Variants in TIAM1 observed in about 807,000 individuals in gnomAD.
The protein encoded by TIAM1 is TIAM Rac1 associated GEF 1.
A neutral mutation model predicts 163.5 loss-of-function variants in TIAM1; 65 were observed. The observed-to-expected ratio is 0.40, with a 90% CI of 0.33 to 0.49. The LOEUF is 0.49. TIAM1 is among the 20% of genes least tolerant of loss of function. The pLI is 0.77. For synonymous variants in TIAM1, 833 were observed against 810.1 expected (o/e 1.03, Z -0.48); for missense variants, 1,789 against 2,044.7 (o/e 0.87, Z 2.41).
chr21:31,136,701 C>T (rs913009195), intron 22 of TIAM1, among the ~76,000 whole-genome samples: 1 of 152,170 alleles, frequency 6.6e-6, no homozygotes, highest in African/African-American at 2.4e-5. Context: ...TCTGTCAAAA[C>T]TGATCTACAA....
intron 2 of TIAM1, among the ~76,000 whole-genome samples, chr21:31,324,358 A>G (rs961178591): frequency 1.3e-5 from 2 of 152,168 alleles, no homozygotes; most frequent in African/African-American, 2.4e-5. Context: ...GTCTCAAAAA[A>G]AAAATTTTAT....
At chr21:31,223,718 T>C in intron 7 of TIAM1, 127 bp from the exon 8 acceptor site, 1 of 935,408 alleles carries the variant, frequency 1.1e-6, no homozygotes, top group South Asian at 3.0e-5. Flanking sequence ...AAACAACAGG[T>C]ACCTAAGTTT....
chr21:31,251,691 G>C (rs749882222), intron 5 of TIAM1, 51 bp downstream of exon 5: 1 of 1,501,300 alleles, frequency 6.7e-7, no homozygotes, highest in Non-Finnish European at 9.0e-7. Context: ...TGCACAACGG[G>C]GCACCTCTAT....
chr21:31,356,331 C>G (rs758399960), intron 2 of TIAM1, among the ~76,000 whole-genome samples: 2 of 152,110 alleles, frequency 1.3e-5, no homozygotes, highest in African/African-American at 2.4e-5. Context: ...GTAAAGATAC[C>G]AATTGCCCGT....
chr21:31,527,841 A>C (rs1409311485), intron 1 of TIAM1, among the ~76,000 whole-genome samples: 1 of 152,152 alleles, frequency 6.6e-6, no homozygotes, highest in African/African-American at 2.4e-5. Context: ...AATGTTGATC[A>C]CATTGAGTCC....
chr21:31,233,302 T>C (rs746183854), intron 6 of TIAM1, among the ~76,000 whole-genome samples: 7 of 152,238 alleles, frequency 4.6e-5, no homozygotes, highest in African/African-American at 1.4e-4. Flanking sequence ...AGAGGCTAGA[T>C]AGGAATAAAG....
At position 31,238,762 on chromosome 21, in the gene TIAM1, G is replaced by C. The variant is rs140769821; in HGVS notation, c.1584+6726C>G. Among the ~76,000 whole-genome samples, 6 of 152,272 alleles carry C rather than the reference G, an allele frequency of 3.9e-5. No individual in the cohort carries two copies. In the East Asian group the frequency reaches 1.2e-3, roughly 29 times the overall value. ...ACTGTAGCCACTGACTCTTGCCCAC[G>C]TTCTTCTTAGGGTCAACAGTAATAG... On this transcript the variant is annotated intron_variant, in intron 6 of 27. Coordinates refer to ENST00000541036, the MANE Select transcript of TIAM1 (RefSeq NM_001353694.2).
At chr21:31,223,368 G>T in intron 8 of TIAM1, 38 bp downstream of exon 8, 1 of 1,574,830 alleles carries the variant, frequency 6.3e-7, no homozygotes. Flanking sequence ...TAAGCGTCAA[G>T]CTTAATGTTT....
At position 31,225,946 on chromosome 21, in the gene TIAM1, G is replaced by C; in HGVS notation, c.1589C>G (p.Thr530Ser). 6.2e-7 allele frequency: 1 copy of C among 1,614,096 alleles called. No individual in the cohort carries two copies. Among genetic ancestry groups the C allele is most frequent in the East Asian group, 2.2e-5 (1 of 44,868 alleles). The change falls in exon 7 of 28, where the codon ACT becomes AGT. Residue 530 changes from threonine (T) to serine (S), a missense_variant. By Grantham distance (58) the Thr-to-Ser change is moderately conservative. This residue lies in a region of TIAM1 where 456 missense variants were observed against 586.6 expected (regional missense o/e 0.78). Transcript: ENST00000541036. Reference sequence around the variant, plus strand: ...CCAGTTTTCAAGCTCCGTCTGGCTAGTGGTCTGTACCAGGAAGAAGGGGCA... The same window carrying C: ...CCAGTTTTCAAGCTCCGTCTGGCTACTGGTCTGTACCAGGAAGAAGGGGCA... ...SLGDAFLFQTTSQTELENWIT... is the reference protein window; with the variant it reads ...SLGDAFLFQTSSQTELENWIT...
intron 12 of TIAM1, among the ~76,000 whole-genome samples, chr21:31,200,537 T>C (rs1341372423): frequency 6.6e-6 from 1 of 152,232 alleles, no homozygotes; most frequent in East Asian, 1.9e-4. Flanking sequence ...ATGCTCATCG[T>C]TACCTCAGAA....
intron 1 of TIAM1, among the ~76,000 whole-genome samples, chr21:31,493,274 CTAAT>C (rs1266039872): frequency 6.6e-6 from 1 of 152,114 alleles, no homozygotes; most frequent in Non-Finnish European, 1.5e-5. Flanking sequence ...AATGCATAAT[CTAAT>C]TAGGAGCAGG....
chr21:31,377,700 G>A (rs113801705), intron 2 of TIAM1, among the ~76,000 whole-genome samples: 72 of 152,092 alleles, frequency 4.7e-4, no homozygotes, highest in African/African-American at 1.4e-3. Flanking sequence ...TGCCATCCTA[G>A]GCTACTAAGG....
intron 2 of TIAM1, among the ~76,000 whole-genome samples, chr21:31,440,372 T>A (rs1431761422): frequency 6.6e-6 from 1 of 152,174 alleles, no homozygotes; most frequent in Non-Finnish European, 1.5e-5. Context: ...TTAGTGGAAT[T>A]AAGAAAATCT....
intron 2 of TIAM1, among the ~76,000 whole-genome samples, chr21:31,279,126 T>C (rs547295908): frequency 6.6e-6 from 1 of 151,698 alleles, no homozygotes; most frequent in Non-Finnish European, 1.5e-5. Flanking sequence ...CAAAAAAATA[T>C]ATAAATAAAT....
chr21:31,549,053 T>TC (rs1199869887), intron 1 of TIAM1, among the ~76,000 whole-genome samples: 3 of 152,238 alleles, frequency 2.0e-5, no homozygotes, highest in African/African-American at 7.2e-5. Context: ...CAAAGGTAGT[T>TC]CACTTCCAAA....
At chr21:31,172,307 T>G (rs889803977) in intron 15 of TIAM1, among the ~76,000 whole-genome samples, 7 of 150,654 alleles carry the variant, frequency 4.6e-5, no homozygotes, top group African/African-American at 1.7e-4. Context: ...GTTTGTTTGT[T>G]TTTTTTTTAA....
At chr21:31,519,166 G>T (rs759996338) in intron 1 of TIAM1, among the ~76,000 whole-genome samples, 8 of 152,094 alleles carry the variant, frequency 5.3e-5, no homozygotes, top group Non-Finnish European at 1.2e-4. Context: ...TTAGCCAGGC[G>T]TAGTGGTACA....
chr21:31,214,262 T>C (rs1215812664), intron 9 of TIAM1, among the ~76,000 whole-genome samples: 1 of 151,384 alleles, frequency 6.6e-6, no homozygotes, highest in Non-Finnish European at 1.5e-5. Context: ...GAGGTCAAGT[T>C]TGCAGCGAGC....
intron 2 of TIAM1, among the ~76,000 whole-genome samples, chr21:31,428,846 G>A (rs754347334): frequency 3.8e-4 from 57 of 150,512 alleles, no homozygotes; most frequent in Non-Finnish European, 8.1e-4. Context: ...TCACGCCACT[G>A]TACTCCAGCC....
Sources: allele counts gnomAD v4.1 joint callset (sites outside exome capture counted in the v4.1 genomes callset), GRCh38; gene constraint gnomAD v4.1.1; regional missense constraint gnomAD v4.1.1; transcripts MANE v1.5; gene names NCBI Gene and HGNC (gene_info 2026-07-23, HGNC 2026-07-21).